The following DLG2 variants were observed in gnomAD, a reference collection of about 807,000 sequenced individuals.
DLG2 encodes the protein discs large MAGUK scaffold protein 2.
In DLG2, 45 loss-of-function variants were observed where a neutral mutation model predicts 132.5. That is an observed-to-expected ratio of 0.34 (90% confidence interval 0.27 to 0.44). The LOEUF (loss-of-function observed/expected upper bound fraction) is 0.44, where lower values mean the gene tolerates loss of function less well. Among genes scored for constraint, DLG2 ranks in the 20% least tolerant of loss-of-function variants. The pLI, the probability that DLG2 is intolerant of heterozygous loss-of-function variation, is 1.00. For missense variants in DLG2, 1,045 were observed against 1,196.9 expected (o/e 0.87, Z 1.87); for synonymous variants, 424 against 419.6 (o/e 1.01, Z -0.13).
intron 3 of DLG2, among the ~76,000 whole-genome samples, chr11:85,419,473 C>A (rs904854451): frequency 6.6e-6 from 1 of 152,152 alleles, no homozygotes; most frequent in Non-Finnish European, 1.5e-5. Context: ...GTTGGCCTAC[C>A]TTTCTAGGTT....
chr11:84,420,519 T>C (rs554191086), intron 7 of DLG2, among the ~76,000 whole-genome samples: 41 of 152,240 alleles, frequency 2.7e-4, no homozygotes, highest in Admixed American at 1.3e-4. Flanking sequence ...TAAGGCATTG[T>C]GTTATTCAAG....
chr11:84,031,398 C>G (rs569450298), intron 11 of DLG2, among the ~76,000 whole-genome samples: 4 of 151,964 alleles, frequency 2.6e-5, no homozygotes, highest in Admixed American at 2.6e-4. Context: ...TGCATTTGAC[C>G]GTGTTAAACT....
At chr11:84,877,544 T>A (rs1019337883) in intron 6 of DLG2, among the ~76,000 whole-genome samples, 1 of 139,072 alleles carries the variant, frequency 7.2e-6, no homozygotes, top group Non-Finnish European at 1.6e-5. Context: ...TGCTTTCCAT[T>A]TGCTTGGCAA....
intron 7 of DLG2, among the ~76,000 whole-genome samples, chr11:84,410,859 C>T (rs510323): frequency 0.1 from 15,376 of 152,070 alleles, 870 homozygotes; most frequent in African/African-American, 0.15. Flanking sequence ...GAATTACAGG[C>T]ATGAGCCACC....
At chr11:85,534,393 C>T (rs999325694) in intron 3 of DLG2, among the ~76,000 whole-genome samples, 4 of 151,854 alleles carry the variant, frequency 2.6e-5, no homozygotes, top group Non-Finnish European at 5.9e-5. Flanking sequence ...GTTTGTCACC[C>T]GGGTATATTG....
intron 18 of DLG2, among the ~76,000 whole-genome samples, chr11:83,649,852 A>G (rs1476416970): frequency 6.6e-6 from 1 of 152,130 alleles, no homozygotes; most frequent in African/African-American, 2.4e-5. Flanking sequence ...TGATTTCTAT[A>G]GATATTCCTT....
At chr11:83,952,428 T>C (rs1036851729) in intron 14 of DLG2, among the ~76,000 whole-genome samples, 1 of 152,158 alleles carries the variant, frequency 6.6e-6, no homozygotes, top group Admixed American at 6.6e-5. Flanking sequence ...AAATATGCAA[T>C]GTTTATAAGA....
intron 4 of DLG2, among the ~76,000 whole-genome samples, chr11:85,260,949 T>C (rs913602089): frequency 2.6e-5 from 4 of 152,176 alleles, no homozygotes; most frequent in African/African-American, 9.7e-5. Context: ...TAAAAGCTGT[T>C]GGAAACAAAT....
At chr11:85,069,202 G>A (rs1238068234) in intron 6 of DLG2, among the ~76,000 whole-genome samples, 1 of 152,064 alleles carries the variant, frequency 6.6e-6, no homozygotes, top group Non-Finnish European at 1.5e-5. Context: ...AAAAATCCTA[G>A]AAGAAAACCT....
intron 4 of DLG2, among the ~76,000 whole-genome samples, chr11:85,268,259 T>C (rs1468223787): frequency 3.3e-5 from 5 of 152,314 alleles, no homozygotes; most frequent in East Asian, 3.9e-4. Flanking sequence ...CTCACTGAGA[T>C]AGATGCATAT....
At chr11:83,697,478 T>C (rs576261162) in intron 18 of DLG2, among the ~76,000 whole-genome samples, 70 of 152,320 alleles carry the variant, frequency 4.6e-4, no homozygotes, top group African/African-American at 1.6e-3. Context: ...ACCTAATTGC[T>C]TTAAGGGGCA....
At chr11:84,571,210 C>T (rs1326528897) in intron 6 of DLG2, among the ~76,000 whole-genome samples, 1 of 151,898 alleles carries the variant, frequency 6.6e-6, no homozygotes, top group Non-Finnish European at 1.5e-5. Context: ...CCTCTCACTC[C>T]CCTACCTCCT....
chr11:85,493,025 T>C (rs1266421066), intron 3 of DLG2, among the ~76,000 whole-genome samples: 1 of 152,114 alleles, frequency 6.6e-6, no homozygotes, highest in African/African-American at 2.4e-5. Context: ...AAGAGCTTTA[T>C]TTTAAAAACC....
At chr11:84,818,362 T>C (rs1159504553) in intron 6 of DLG2, among the ~76,000 whole-genome samples, 1 of 151,964 alleles carries the variant, frequency 6.6e-6, no homozygotes, top group Non-Finnish European at 1.5e-5. Context: ...TTGGTTTAGA[T>C]TTTTTAAGAA....
At chr11:83,801,736 C>G (rs1365307190) in intron 17 of DLG2, among the ~76,000 whole-genome samples, 1 of 151,940 alleles carries the variant, frequency 6.6e-6, no homozygotes, top group African/African-American at 2.4e-5. Flanking sequence ...GAATTTAGGC[C>G]CACATGTTAT....
At chr11:84,733,196 G>C (rs1473176871) in intron 6 of DLG2, among the ~76,000 whole-genome samples, 4 of 152,136 alleles carry the variant, frequency 2.6e-5, no homozygotes, top group Non-Finnish European at 4.4e-5. Context: ...TTTAGTTCTA[G>C]ATCCCTGAGG....
At chr11:85,599,700 T>C (rs881121) in intron 2 of DLG2, among the ~76,000 whole-genome samples, 17,584 of 152,210 alleles carry the variant, frequency 0.12, 1,270 homozygotes, top group East Asian at 0.28. Context: ...ACTCAAATGC[T>C]CTCTCTTCCA....
intron 11 of DLG2, among the ~76,000 whole-genome samples, chr11:83,989,117 A>G (rs528068068): frequency 6.6e-6 from 1 of 152,244 alleles, no homozygotes; most frequent in East Asian, 1.9e-4. Context: ...CTTAAAGATG[A>G]AATTAGTGGC....
At chr11:84,612,601 G>T (rs2099597321) in intron 6 of DLG2, among the ~76,000 whole-genome samples, 1 of 152,064 alleles carries the variant, frequency 6.6e-6, no homozygotes, top group South Asian at 2.1e-4. Context: ...TAAAGCTAGA[G>T]TGGTAGTTTA....
Sources: allele counts gnomAD v4.1 joint callset (sites outside exome capture counted in the v4.1 genomes callset), GRCh38; gene constraint gnomAD v4.1.1; transcripts MANE v1.5; gene names NCBI Gene and HGNC (gene_info 2026-07-23, HGNC 2026-07-21).